Variants in KDM3B observed in about 807,000 individuals in gnomAD.
The protein encoded by KDM3B is lysine demethylase 3B.
A neutral mutation model predicts 170.0 loss-of-function variants in KDM3B; 10 were observed. The observed-to-expected ratio is 0.06, with a 90% confidence interval of 0.04 to 0.10. KDM3B has a LOEUF of 0.10. Among genes scored for constraint, KDM3B ranks in the 10% least tolerant of loss-of-function variants. KDM3B has a pLI of 1.00. For synonymous variants in KDM3B, 831 were observed against 834.8 expected (o/e 1.00, Z 0.08); for missense variants, 1,394 against 2,195.2 (o/e 0.64, Z 7.29).
intron 23 of KDM3B, 41 bp downstream of exon 23, chr5:138,431,600 G>T (rs1763532365): frequency 2.0e-6 from 3 of 1,537,472 alleles, no homozygotes; most frequent in Non-Finnish European, 2.6e-6. Flanking sequence ...TCTTCTCATT[G>T]CATACTCACA....
chr5:138,362,565 CACACACACACACACACACACAA>C (rs1479794285), intron 1 of KDM3B, among the ~76,000 whole-genome samples: 4 of 125,128 alleles, frequency 3.2e-5, no homozygotes, highest in Admixed American at 1.7e-4. Flanking sequence ...CACACACACA[CACACACACACACACACACACAA>C]AATATCTTAA....
intron 19 of KDM3B, among the ~76,000 whole-genome samples, 177 bp downstream of exon 19, chr5:138,427,496 C>A (rs1189908867): frequency 6.6e-6 from 1 of 152,184 alleles, no homozygotes; most frequent in Non-Finnish European, 1.5e-5. Context: ...GTTTTCATAA[C>A]ATCCATGTGG....
intron 7 of KDM3B, among the ~76,000 whole-genome samples, chr5:138,388,556 C>T (rs533824775): frequency 1.3e-5 from 2 of 149,288 alleles, no homozygotes; most frequent in Non-Finnish European, 1.5e-5. Flanking sequence ...GGCGTGAACC[C>T]GGGAGGCAGA....
At chr5:138,394,949 G>T (rs897931128) in intron 9 of KDM3B, among the ~76,000 whole-genome samples, 2 of 152,138 alleles carry the variant, frequency 1.3e-5, no homozygotes, top group Non-Finnish European at 2.9e-5. Flanking sequence ...ATTTTCTGAT[G>T]AATTAGATGT....
chr5:138,408,576 A>G (rs1450979937), intron 11 of KDM3B, among the ~76,000 whole-genome samples: 1 of 152,192 alleles, frequency 6.6e-6, no homozygotes, highest in East Asian at 1.9e-4. Flanking sequence ...TTATGAAGCC[A>G]GCATTATACT....
At chr5:138,431,945 TTTTTAA>T (rs1219070931) in intron 23 of KDM3B, among the ~76,000 whole-genome samples, 3 of 152,058 alleles carry the variant, frequency 2.0e-5, no homozygotes, top group African/African-American at 7.2e-5. Context: ...GTTTTTCTTC[TTTTTAA>T]TAGAATGGGG....
Position 138,365,446 on chromosome 5 carries a change from TG to T in KDM3B, c.193-7224del, listed in dbSNP as rs1213752025. On this transcript the variant is annotated intron_variant, in intron 1 of 23. Transcript: ENST00000314358. ...CTAATTTTTGTATTTTTAGTAGAGA[TG>T]GGGTTTCACCCTGTTGGCCAGGCTG... Among the ~76,000 whole-genome samples the T allele has an allele frequency of 7.2e-5, 11 of 151,884 alleles. No homozygotes were observed. In the East Asian group the frequency reaches 2.2e-3, roughly 30 times the overall value.
intron 1 of KDM3B, among the ~76,000 whole-genome samples, chr5:138,365,192 C>T (rs1259634098): frequency 6.6e-6 from 1 of 152,152 alleles, no homozygotes; most frequent in Non-Finnish European, 1.5e-5. Flanking sequence ...TCACAATCAT[C>T]ACCATATCCT....
At chr5:138,358,290 T>TTTTC (rs1449272138) in intron 1 of KDM3B, among the ~76,000 whole-genome samples, 1 of 133,074 alleles carries the variant, frequency 7.5e-6, no homozygotes, top group Non-Finnish European at 1.5e-5. Flanking sequence ...CGGGAATTTT[T>TTTTC]TTTCTTTCTT....
chr5:138,400,981 A>G (rs1762671765), intron 11 of KDM3B, among the ~76,000 whole-genome samples: 1 of 151,920 alleles, frequency 6.6e-6, no homozygotes, highest in Non-Finnish European at 1.5e-5. Context: ...CATGTCATAA[A>G]AATAGAATCA....
chr5:138,359,052 T>C, intron 1 of KDM3B, among the ~76,000 whole-genome samples: 1 of 151,856 alleles, frequency 6.6e-6, no homozygotes. Context: ...TGTTTGTTTT[T>C]TTGTTCTTGC....
intron 10 of KDM3B, among the ~76,000 whole-genome samples, chr5:138,399,348 G>T (rs189435692): frequency 6.6e-6 from 1 of 151,648 alleles, no homozygotes; most frequent in African/African-American, 2.4e-5. Flanking sequence ...GACCAGCCTG[G>T]CCAATATGGT....
chr5:138,379,580 T>G lies in KDM3B; in HGVS notation c.581-4T>G, dbSNP rs1184757475. The G allele has an allele frequency of 1.2e-6, 2 of 1,609,450 alleles. No individual in the cohort carries two copies. The highest frequency in any genetic ancestry group is 1.1e-5 in the South Asian group (1 of 90,072). On this transcript the variant is annotated splice_polypyrimidine_tract_variant and splice_region_variant and intron_variant, in intron 4 of 23. Transcript: ENST00000314358. ...TACTCAATACTGACTGATCTCCCTT[T>G]TAGGTCCCTACAGTGTTCAAGGTCA...
intron 6 of KDM3B, chr5:138,381,792 T>C: frequency 1.9e-6 from 1 of 519,390 alleles, no homozygotes. Context: ...GCAAACCCTT[T>C]TAAGCATGAC....
intron 1 of KDM3B, among the ~76,000 whole-genome samples, chr5:138,358,613 T>TC (rs1194345990): frequency 3.3e-5 from 5 of 151,478 alleles, no homozygotes; most frequent in Non-Finnish European, 5.9e-5. Context: ...GCCTTTTTTT[T>TC]TTTGAGTGGT....
intron 8 of KDM3B, 147 bp downstream of exon 8, chr5:138,392,408 CTCG>C: frequency 1.3e-6 from 1 of 783,286 alleles, no homozygotes; most frequent in Non-Finnish European, 1.8e-6. Context: ...GCAGAGGCCC[CTCG>C]TCAGGCCTGG....
intron 15 of KDM3B, among the ~76,000 whole-genome samples, chr5:138,421,814 TGTA>T (rs1580950175): frequency 6.6e-6 from 1 of 152,342 alleles, no homozygotes; most frequent in East Asian, 1.9e-4. Flanking sequence ...GCAGAGTCCT[TGTA>T]GTGCTTACAG....
chr5:138,415,423 G>GTATTATTGAAGAGACACTTCTGTAT lies in KDM3B; in HGVS notation c.3307+200_3307+224dup, dbSNP rs1561788366. On this transcript the variant is annotated intron_variant, in intron 12 of 23. Coordinates refer to ENST00000314358, the MANE Select transcript of KDM3B (RefSeq NM_016604.4). The stretch of plus-strand genomic sequence containing the variant: ...TTATTGTTATTGAAGAGACCCTTCT[G>GTATTATTGAAGAGACACTTCTGTAT]TATTATTGAAGAGACACTTCTGTAT... Among the ~76,000 whole-genome samples, 21 of 151,714 alleles carry GTATTATTGAAGAGACACTTCTGTAT rather than the reference G, an allele frequency of 1.4e-4. 1 individual carries two copies. The highest frequency in any genetic ancestry group is 1.5e-5 in the Non-Finnish European group (1 of 67,930).
At chr5:138,377,877 C>T (rs1016604488) in intron 4 of KDM3B, 52 bp downstream of exon 4, 5 of 1,331,138 alleles carry the variant, frequency 3.8e-6, no homozygotes, top group Non-Finnish European at 2.2e-6. Flanking sequence ...TGAATGATCA[C>T]TGTTGAGTGA....
Sources: allele counts gnomAD v4.1 joint callset (sites outside exome capture counted in the v4.1 genomes callset), GRCh38; gene constraint gnomAD v4.1.1; transcripts MANE v1.5; gene names NCBI Gene and HGNC (gene_info 2026-07-23, HGNC 2026-07-21).